The following OXCT1 variants were observed in gnomAD, a reference collection of about 807,000 sequenced individuals.
OXCT1 encodes succinyl-CoA:3-ketoacid coenzyme A transferase 1, mitochondrial.
OXCT1 carries 27 observed loss-of-function variants against 69.6 expected under a neutral mutation model. The ratio of observed to expected loss-of-function variants is 0.39; its 90% CI spans 0.29 to 0.54. OXCT1 has a LOEUF of 0.54. Among genes scored for constraint, OXCT1 ranks in the 20% least tolerant of loss-of-function variants. The pLI, the probability that OXCT1 is intolerant of heterozygous loss-of-function variation, is 0.72. For missense variants in OXCT1, 437 were observed against 650.2 expected (o/e 0.67, Z 3.57); for synonymous variants, 202 against 217.8 (o/e 0.93, Z 0.64).
intron 13 of OXCT1, among the ~76,000 whole-genome samples, chr5:41,792,104 G>T (rs955726041): frequency 2.0e-5 from 3 of 152,120 alleles, no homozygotes; most frequent in African/African-American, 7.2e-5. Flanking sequence ...CGTCCGGCCC[G>T]CAACTTCTTA....
At chr5:41,834,267 G>GAA (rs1748244110) in intron 7 of OXCT1, among the ~76,000 whole-genome samples, 1 of 151,738 alleles carries the variant, frequency 6.6e-6, no homozygotes, top group South Asian at 2.1e-4. Context: ...AAAACAACCA[G>GAA]AAAACAAAAA....
rs549577125 is a variant in OXCT1, at chr5:41,833,241, T to C, written c.732+7210A>G. On this transcript the variant is annotated intron_variant, in intron 7 of 16. Coordinates refer to ENST00000196371, the MANE Select transcript of OXCT1 (RefSeq NM_000436.4). ...AATCAAATTCCCAAAAAATCAATGA[T>C]AAAGAATTCCAAAAGCAGTAAGAGA... 2.0e-5 allele frequency among the ~76,000 whole-genome samples: 3 copies of C among 151,998 alleles called. No homozygotes were observed. The South Asian group carries it at 6.2e-4, about 32-fold the overall frequency.
chr5:41,744,519 G>C (rs1394605204), intron 15 of OXCT1, among the ~76,000 whole-genome samples: 2 of 152,192 alleles, frequency 1.3e-5, no homozygotes, highest in African/African-American at 4.8e-5. Context: ...GGAGTGGTGA[G>C]AGAAAGCATC....
At chr5:41,775,705 C>T (rs1322058618) in intron 13 of OXCT1, among the ~76,000 whole-genome samples, 1 of 152,112 alleles carries the variant, frequency 6.6e-6, no homozygotes, top group African/African-American at 2.4e-5. Flanking sequence ...GTCTGGCAAA[C>T]AGCTCCATAT....
chr5:41,816,572 A>G (rs1347014082), intron 7 of OXCT1, among the ~76,000 whole-genome samples: 14 of 152,148 alleles, frequency 9.2e-5, no homozygotes, highest in Admixed American at 8.5e-4. Context: ...AAATAATTCA[A>G]ACTTAAAGCT....
intron 13 of OXCT1, among the ~76,000 whole-genome samples, chr5:41,787,892 C>T (rs1745724793): frequency 6.6e-6 from 1 of 151,894 alleles, no homozygotes; most frequent in African/African-American, 2.4e-5. Context: ...CTACAACAAA[C>T]ATCAAAGGAT....
At chr5:41,811,304 A>C (rs1746974798) in intron 7 of OXCT1, among the ~76,000 whole-genome samples, 1 of 152,052 alleles carries the variant, frequency 6.6e-6, no homozygotes, top group South Asian at 2.1e-4. Flanking sequence ...GAAGAGAATA[A>C]TTTGAATGTG....
At chr5:41,809,228 G>C (rs1444627526) in intron 7 of OXCT1, among the ~76,000 whole-genome samples, 3 of 151,964 alleles carry the variant, frequency 2.0e-5, no homozygotes, top group African/African-American at 4.8e-5. Context: ...TGTTATCTCT[G>C]GGTAATAGTA....
At chr5:41,796,454 C>T (rs1446660974) in intron 11 of OXCT1, among the ~76,000 whole-genome samples, 1 of 152,138 alleles carries the variant, frequency 6.6e-6, no homozygotes, top group Non-Finnish European at 1.5e-5. Context: ...CTCCCAGAAA[C>T]AAAAGGACCA....
intron 7 of OXCT1, among the ~76,000 whole-genome samples, chr5:41,825,915 A>G (rs1387850492): frequency 6.6e-6 from 1 of 152,242 alleles, no homozygotes; most frequent in Non-Finnish European, 1.5e-5. Flanking sequence ...TTAAGCAGGA[A>G]ATAACTTTAA....
At chr5:41,747,153 G>T (rs1487791053) in intron 15 of OXCT1, among the ~76,000 whole-genome samples, 1 of 152,034 alleles carries the variant, frequency 6.6e-6, no homozygotes, top group Non-Finnish European at 1.5e-5. Flanking sequence ...AAGACCCACA[G>T]TTCTTAGCAA....
intron 14 of OXCT1, among the ~76,000 whole-genome samples, chr5:41,754,678 A>G (rs1040174583): frequency 3.9e-5 from 6 of 152,150 alleles, no homozygotes; most frequent in African/African-American, 1.4e-4. Flanking sequence ...CTCATGGGAT[A>G]TGATTGACCT....
chr5:41,773,461 G>T (rs1233320543), intron 13 of OXCT1, among the ~76,000 whole-genome samples: 3 of 151,776 alleles, frequency 2.0e-5, no homozygotes, highest in African/African-American at 7.3e-5. Context: ...GCTGGGTGTG[G>T]TTGCATGCAC....
At chr5:41,732,380 C>A (rs1742677848) in intron 16 of OXCT1, among the ~76,000 whole-genome samples, 1 of 152,060 alleles carries the variant, frequency 6.6e-6, no homozygotes, top group Non-Finnish European at 1.5e-5. Context: ...TAATTATGTT[C>A]AGTGTATAAA....
At chr5:41,842,829 T>A in intron 5 of OXCT1, 48 bp from the exon 6 acceptor site, 1 of 1,223,400 alleles carries the variant, frequency 8.2e-7, no homozygotes, top group Admixed American at 1.7e-5. Flanking sequence ...TAGGTCTTGA[T>A]TGTGATAGAG....
At chr5:41,824,164 T>A (rs989755004) in intron 7 of OXCT1, among the ~76,000 whole-genome samples, 28 of 152,216 alleles carry the variant, frequency 1.8e-4, no homozygotes, top group African/African-American at 6.8e-4. Flanking sequence ...CTCTTCCCCC[T>A]ACCAATTTTG....
At chr5:41,844,711 T>C (rs751793812) in intron 5 of OXCT1, among the ~76,000 whole-genome samples, 1 of 152,078 alleles carries the variant, frequency 6.6e-6, no homozygotes, top group Non-Finnish European at 1.5e-5. Flanking sequence ...ACAGAGCTCT[T>C]TGATAAGGCC....
intron 15 of OXCT1, among the ~76,000 whole-genome samples, chr5:41,742,404 C>T (rs551818165): frequency 2.0e-5 from 3 of 152,248 alleles, no homozygotes; most frequent in Non-Finnish European, 2.9e-5. Flanking sequence ...ACTTTATCAC[C>T]GTGACAAAAG....
At chr5:41,852,753 A>T (rs1749238629) in intron 4 of OXCT1, among the ~76,000 whole-genome samples, 1 of 152,222 alleles carries the variant, frequency 6.6e-6, no homozygotes, top group South Asian at 2.1e-4. Context: ...GCAAGACCAG[A>T]TCACCCATAA....
Sources: gnomAD v4.1 joint callset for allele counts (sites outside exome capture counted in the v4.1 genomes callset) on GRCh38, gnomAD v4.1.1 for gene constraint, MANE v1.5 for transcripts, NCBI Gene and HGNC (gene_info 2026-07-23, HGNC 2026-07-21) for gene names.